PGM5: variants seen among roughly 807,000 people sequenced by gnomAD.
PGM5 encodes the protein phosphoglucomutase 5.
In PGM5, 23 loss-of-function variants were observed where a neutral mutation model predicts 59.2. The observed-to-expected ratio is 0.39, with a 90% CI of 0.28 to 0.55. The LOEUF (loss-of-function observed/expected upper bound fraction) is 0.55, where lower values mean the gene tolerates loss of function less well. Among genes scored for constraint, PGM5 ranks in the 20% least tolerant of loss-of-function variants. PGM5 has a pLI of 0.66. For synonymous variants in PGM5, 214 were observed against 286.0 expected (o/e 0.75, Z 2.54); for missense variants, 574 against 748.3 (o/e 0.77, Z 2.72).
chr9:68,399,656 G>A (rs1466115318), intron 6 of PGM5, among the ~76,000 whole-genome samples: 226 of 150,860 alleles, frequency 1.5e-3, no homozygotes, highest in African/African-American at 5.2e-3. Context: ...TTCTATTTAG[G>A]GTTCTTCTTT....
At chr9:68,501,075 T>A (rs7039076) in intron 10 of PGM5, among the ~76,000 whole-genome samples, 3 of 151,878 alleles carry the variant, frequency 2.0e-5, no homozygotes, top group Non-Finnish European at 4.4e-5. Flanking sequence ...TCCCCATGAC[T>A]GCACATTTCT....
intron 6 of PGM5, among the ~76,000 whole-genome samples, chr9:68,451,936 T>G (rs1207207741): frequency 6.6e-6 from 1 of 152,268 alleles, no homozygotes; most frequent in Non-Finnish European, 1.5e-5. Context: ...CAGATGGCAT[T>G]AAAGTGTTCT....
At chr9:68,405,001 T>C (rs1223643002) in intron 6 of PGM5, 1 of 152,266 alleles carries the variant, frequency 6.6e-6, no homozygotes, top group Non-Finnish European at 1.5e-5. Flanking sequence ...GTATCACTCT[T>C]ATCCCTAGGC....
At chr9:68,482,073 G>A (rs541315947) in intron 8 of PGM5, among the ~76,000 whole-genome samples, 6 of 152,296 alleles carry the variant, frequency 3.9e-5, no homozygotes, top group African/African-American at 1.4e-4. Flanking sequence ...TGAAAAGTGT[G>A]TTGTTATTGG....
intron 2 of PGM5, among the ~76,000 whole-genome samples, chr9:68,383,248 A>C (rs1198273978): frequency 6.6e-6 from 1 of 152,056 alleles, no homozygotes; most frequent in Non-Finnish European, 1.5e-5. Context: ...CAACAGAAAA[A>C]TATTGTGAGT....
chr9:68,464,164 A>T (rs1310694577), intron 6 of PGM5, among the ~76,000 whole-genome samples: 1 of 152,230 alleles, frequency 6.6e-6, no homozygotes, highest in African/African-American at 2.4e-5. Context: ...TTGTGATTCT[A>T]TGATCATACT....
At position 68,401,885 on chromosome 9, in the gene PGM5, ATATATGTGTGTGTGTGTGTG is replaced by A. The variant is rs1461832118; in HGVS notation, c.1043+9414_1043+9433del. 1.7e-4 allele frequency among the ~76,000 whole-genome samples: 18 copies of A among 104,190 alleles called. No individual in the cohort carries two copies. The South Asian group carries it at 4.3e-3, about 25-fold the overall frequency. The allele number at this position is 104,190 out of a possible 152,430, so 68.4% of individuals were successfully genotyped here. On this transcript the variant is annotated intron_variant, in intron 6 of 10. Coordinates refer to ENST00000396396, the MANE Select transcript of PGM5 (RefSeq NM_021965.4). ...CAGTGGTAGTTACACAGCTATATAT[ATATATGTGTGTGTGTGTGTG>A]TGTGTGTGTGTGTGTGTGTGTGTGT...
rs2132010739 is a variant in PGM5 at position 68,391,674 on chromosome 9, G to A, written c.838G>A (p.Ala280Thr). 3 of 1,613,248 alleles carry A rather than the reference G, an allele frequency of 1.9e-6. No homozygotes were observed. Among genetic ancestry groups the A allele is most frequent in the Non-Finnish European group, 1.7e-6 (2 of 1,179,410 alleles). The change falls in exon 5 of 11, where the codon GCA becomes ACA. Residue 280 changes from alanine to threonine, a missense_variant. Coordinates refer to ENST00000396396, the MANE Select transcript of PGM5 (RefSeq NM_021965.4). ...NLTYATTLLE[A>T]MKGGEYGFGA... Reference sequence around the variant, plus strand: ...GACATATGCAACGACTCTTCTGGAAGCAATGAAAGGAGGAGAATATGGATT... The same window carrying A: ...GACATATGCAACGACTCTTCTGGAAACAATGAAAGGAGGAGAATATGGATT...
chr9:68,525,411 G>T (rs1267833232), intron 10 of PGM5, among the ~76,000 whole-genome samples: 1 of 152,144 alleles, frequency 6.6e-6, no homozygotes, highest in Non-Finnish European at 1.5e-5. Flanking sequence ...ACGGCGTAGT[G>T]ATATCTCTGT....
At position 68,356,629 on chromosome 9, in the gene PGM5, G is replaced by T. The variant is rs1190499249; in HGVS notation, c.-499G>T. ...AGGCTGCGCACTCCCAGGGAGACAG[G>T]GAGACGGGCCGGGCGCCGGAGAGGA... On this transcript the variant is annotated 5_prime_UTR_variant, in exon 1 of 11. Transcript: ENST00000396396. Among the ~76,000 whole-genome samples, 2 of 152,418 alleles carry T rather than the reference G, an allele frequency of 1.3e-5. No homozygotes were observed. The highest frequency in any genetic ancestry group is 2.1e-4 in the South Asian group (1 of 4,834).
At chr9:68,386,726 T>C (rs1419782704) in intron 3 of PGM5, among the ~76,000 whole-genome samples, 4 of 152,082 alleles carry the variant, frequency 2.6e-5, no homozygotes, top group Non-Finnish European at 5.9e-5. Context: ...GAAAAGTACT[T>C]TCTGAGCATT....
intron 6 of PGM5, among the ~76,000 whole-genome samples, chr9:68,425,826 A>C (rs1823227603): frequency 6.6e-6 from 1 of 152,214 alleles, no homozygotes; most frequent in Non-Finnish European, 1.5e-5. Context: ...CTCAGGACAC[A>C]AAAAGCACTA....
intron 6 of PGM5, among the ~76,000 whole-genome samples, chr9:68,416,189 A>C (rs1308623444): frequency 6.6e-6 from 1 of 152,228 alleles, no homozygotes; most frequent in Non-Finnish European, 1.5e-5. Flanking sequence ...ACAAAAAAAG[A>C]TGAAATAGTA....
At chr9:68,438,435 TC>T (rs1302297321) in intron 6 of PGM5, among the ~76,000 whole-genome samples, 1 of 151,794 alleles carries the variant, frequency 6.6e-6, no homozygotes, top group Non-Finnish European at 1.5e-5. Flanking sequence ...ACCTTTTATC[TC>T]CCACTTCCCA....
chr9:68,357,716 C>G (rs1587765525), intron 1 of PGM5: 3 of 387,446 alleles, frequency 7.7e-6, no homozygotes, highest in East Asian at 1.2e-4. Flanking sequence ...TTCGGACATT[C>G]TCTTACCCGG....
chr9:68,389,069 CTTTATT>C (rs1554679196), intron 4 of PGM5, among the ~76,000 whole-genome samples: 11 of 151,896 alleles, frequency 7.2e-5, no homozygotes, highest in Admixed American at 2.0e-4. Flanking sequence ...TTTTTCATCT[CTTTATT>C]TTGTTCTACT....
chr9:68,383,979 G>A (rs1822149643), intron 2 of PGM5, among the ~76,000 whole-genome samples: 1 of 151,930 alleles, frequency 6.6e-6, no homozygotes, highest in Non-Finnish European at 1.5e-5. Context: ...AGAAAGCATA[G>A]TCTCCTCTTC....
chr9:68,393,646 A>G (rs1481991587), intron 6 of PGM5, among the ~76,000 whole-genome samples: 3 of 152,194 alleles, frequency 2.0e-5, no homozygotes, highest in East Asian at 3.9e-4. Context: ...CCAAATGTTG[A>G]TTAGGATAGG....
chr9:68,397,896 AG>A (rs1554680170), intron 6 of PGM5: 1 of 152,246 alleles, frequency 6.6e-6, no homozygotes, highest in Non-Finnish European at 1.5e-5. Context: ...ATTCCTCAGA[AG>A]GTAGTCTACA....
Sources: gnomAD v4.1 joint callset for allele counts (sites outside exome capture counted in the v4.1 genomes callset) on GRCh38, gnomAD v4.1.1 for gene constraint, MANE v1.5 for transcripts, NCBI Gene and HGNC (gene_info 2026-07-23, HGNC 2026-07-21) for gene names.